The following CDKAL1 variants were observed in gnomAD, a reference collection of about 807,000 sequenced individuals.
The protein encoded by CDKAL1 is threonylcarbamoyladenosine tRNA methylthiotransferase.
In CDKAL1, 32 loss-of-function variants were observed where a neutral mutation model predicts 68.2. The ratio of observed to expected loss-of-function variants is 0.47; its 90% CI spans 0.35 to 0.63. The LOEUF (loss-of-function observed/expected upper bound fraction) is 0.63, where lower values mean the gene tolerates loss of function less well. CDKAL1 is among the 30% of genes least tolerant of loss of function. The pLI is 0.00. For missense variants in CDKAL1, 606 were observed against 696.7 expected, an observed-to-expected ratio of 0.87 and a Z score of 1.47; for synonymous variants, 234 against 244.3, an observed-to-expected ratio of 0.96 and a Z score of 0.39.
At chr6:20,870,087 T>C (rs537789966) in intron 9 of CDKAL1, among the ~76,000 whole-genome samples, 26 of 152,318 alleles carry the variant, frequency 1.7e-4, no homozygotes, top group African/African-American at 6.0e-4. Flanking sequence ...TTTATTTCCA[T>C]GAATGTTCCA....
chr6:21,184,937 G>A (rs1777948767), intron 13 of CDKAL1, among the ~76,000 whole-genome samples: 1 of 150,826 alleles, frequency 6.6e-6, no homozygotes, highest in African/African-American at 2.5e-5. Flanking sequence ...AAAGTGCTAG[G>A]ATTACAGGGT....
intron 15 of CDKAL1, among the ~76,000 whole-genome samples, chr6:21,219,826 C>T (rs1208536698): frequency 1.3e-5 from 2 of 152,112 alleles, no homozygotes; most frequent in Non-Finnish European, 2.9e-5. Flanking sequence ...GGAATGAAAC[C>T]CTTAGGAACA....
At chr6:20,727,353 C>T (rs992376535) in intron 5 of CDKAL1, among the ~76,000 whole-genome samples, 1 of 152,150 alleles carries the variant, frequency 6.6e-6, no homozygotes, top group African/African-American at 2.4e-5. Flanking sequence ...CATATAACTA[C>T]ATATGGATAT....
intron 5 of CDKAL1, among the ~76,000 whole-genome samples, chr6:20,659,150 T>A (rs1320523026): frequency 6.7e-6 from 1 of 148,748 alleles, no homozygotes; most frequent in Admixed American, 6.6e-5. Context: ...AATTAATTTT[T>A]AATTAAAAAA....
At chr6:20,966,798 G>A (rs890213976) in intron 10 of CDKAL1, among the ~76,000 whole-genome samples, 2 of 152,152 alleles carry the variant, frequency 1.3e-5, no homozygotes, top group African/African-American at 4.8e-5. Flanking sequence ...GGAATATCAG[G>A]CTACCTTCTG....
At chr6:20,952,046 C>T (rs2150720532) in intron 9 of CDKAL1, among the ~76,000 whole-genome samples, 1 of 150,946 alleles carries the variant, frequency 6.6e-6, no homozygotes, top group East Asian at 2.0e-4. Flanking sequence ...GTAAGCTCCG[C>T]CTCCCAGGTT....
rs553469826 is a variant in CDKAL1 at position 20,751,792 on chromosome 6, T to C, written c.469-6803T>C. 8.7e-4 allele frequency among the ~76,000 whole-genome samples: 132 copies of C among 152,310 alleles called. 1 individual carries two copies. Among genetic ancestry groups the C allele is most frequent in the African/African-American group, 3.0e-3 (124 of 41,580 alleles). On this transcript the variant is annotated intron_variant, in intron 6 of 15. Transcript: ENST00000274695. ...AGTAATAAAACATACTGCCTGTCTT[T>C]TTTTGTGTGTATTTATAACTAAGTG... is the stretch of plus-strand genomic sequence containing the variant.
chr6:20,807,368 C>T (rs145669410), intron 8 of CDKAL1, among the ~76,000 whole-genome samples: 339 of 152,218 alleles, frequency 2.2e-3, no homozygotes, highest in African/African-American at 7.1e-3. Flanking sequence ...GCACTACAGG[C>T]GCATGCCACC....
At chr6:20,585,493 G>T (rs929680008) in intron 4 of CDKAL1, among the ~76,000 whole-genome samples, 1 of 152,068 alleles carries the variant, frequency 6.6e-6, no homozygotes, top group Non-Finnish European at 1.5e-5. Context: ...TCTGTTTCTA[G>T]TTCACTCTAC....
chr6:21,195,900 A>G (rs555211424), intron 13 of CDKAL1, among the ~76,000 whole-genome samples: 69 of 152,202 alleles, frequency 4.5e-4, no homozygotes, highest in Non-Finnish European at 7.2e-4. Flanking sequence ...ATGACTGAAA[A>G]GGTGTTTGCC....
intron 6 of CDKAL1, among the ~76,000 whole-genome samples, chr6:20,754,275 A>C (rs1015382473): frequency 6.7e-6 from 1 of 149,450 alleles, no homozygotes. Context: ...GAGCAACTGC[A>C]CCTGGCCTGC....
At chr6:21,089,993 A>G (rs1321186271) in intron 12 of CDKAL1, among the ~76,000 whole-genome samples, 4 of 126,216 alleles carry the variant, frequency 3.2e-5, no homozygotes, top group Non-Finnish European at 5.1e-5. Context: ...TTTTATTGCT[A>G]TATAGCATGC....
rs188545387 is a variant in CDKAL1, at chr6:20,858,069, G to A, written c.742+11891G>A. ...AGATGGGTTTTTACCCTGTTGGCCA[G>A]GCTGGTCTCGAATTCCTGACCTCAA... On this transcript the variant is annotated intron_variant, in intron 9 of 15. Transcript: ENST00000274695. 1.4e-4 allele frequency among the ~76,000 whole-genome samples: 21 copies of A among 152,256 alleles called. No individual in the cohort carries two copies. In the East Asian group the frequency reaches 3.5e-3, roughly 25 times the overall value.
chr6:21,123,848 A>G (rs550845070), intron 13 of CDKAL1, among the ~76,000 whole-genome samples: 2 of 152,362 alleles, frequency 1.3e-5, no homozygotes, highest in South Asian at 4.1e-4. Context: ...CTGAAATACT[A>G]TCACAGTCTG....
intron 10 of CDKAL1, among the ~76,000 whole-genome samples, chr6:20,989,036 C>T (rs1766648046): frequency 6.6e-6 from 1 of 151,938 alleles, no homozygotes; most frequent in Admixed American, 6.6e-5. Context: ...CATCCCAAGT[C>T]ATATGGCTAC....
intron 4 of CDKAL1, among the ~76,000 whole-genome samples, chr6:20,582,839 T>C (rs914590620): frequency 6.6e-6 from 1 of 152,196 alleles, no homozygotes; most frequent in African/African-American, 2.4e-5. Flanking sequence ...GTGTTAAATC[T>C]CATCGCAGCT....
intron 4 of CDKAL1, among the ~76,000 whole-genome samples, chr6:20,648,490 T>A (rs773852265): frequency 6.6e-6 from 1 of 152,114 alleles, no homozygotes; most frequent in Non-Finnish European, 1.5e-5. Context: ...TCCTCCCACC[T>A]AGTGCTCTTA....
chr6:21,126,367 A>G (rs552124658), intron 13 of CDKAL1, among the ~76,000 whole-genome samples: 5 of 152,238 alleles, frequency 3.3e-5, no homozygotes, highest in African/African-American at 1.2e-4. Context: ...GTGCTTTAAG[A>G]TATACTGTGC....
intron 11 of CDKAL1, among the ~76,000 whole-genome samples, chr6:21,024,084 A>G (rs1310883107): frequency 6.6e-6 from 1 of 152,240 alleles, no homozygotes; most frequent in Non-Finnish European, 1.5e-5. Flanking sequence ...TATTTTAGCC[A>G]AGAAAATAAT....
Sources: gnomAD v4.1 joint callset for allele counts (sites outside exome capture counted in the v4.1 genomes callset) on GRCh38, gnomAD v4.1.1 for gene constraint, MANE v1.5 for transcripts, NCBI Gene and HGNC (gene_info 2026-07-23, HGNC 2026-07-21) for gene names.